RBFOX2: variants seen among roughly 807,000 people sequenced by gnomAD.
RBFOX2 encodes the protein RNA binding fox-1 homolog 2.
A neutral mutation model predicts 49.1 loss-of-function variants in RBFOX2; 10 were observed. That is an observed-to-expected ratio of 0.20 (90% CI 0.13 to 0.35). RBFOX2 has a LOEUF of 0.35. Among genes scored for constraint, RBFOX2 ranks in the 10% least tolerant of loss-of-function variants. RBFOX2 has a pLI of 1.00. For synonymous variants in RBFOX2, 183 were observed against 187.4 expected, an observed-to-expected ratio of 0.98 and a Z score of 0.19; for missense variants, 323 against 486.9, an observed-to-expected ratio of 0.66 and a Z score of 3.17.
intron 4 of RBFOX2, among the ~76,000 whole-genome samples, chr22:35,773,533 G>A (rs1164619545): frequency 2.6e-5 from 4 of 151,734 alleles, no homozygotes; most frequent in Non-Finnish European, 5.9e-5. Flanking sequence ...CATATACCCT[G>A]AAAATATGTA....
rs928540184 is a variant in RBFOX2, at chr22:35,852,784, C to A, written c.-33-42780G>T. On this transcript the variant is annotated intron_variant, in intron 1 of 13. Coordinates refer to the RBFOX2 transcript ENST00000359369. ...CTAACTTAAACTTCAAGAGTTAACC[C>A]AGTTCAATATTTGGTGACTTAATTA... 1.2e-4 allele frequency among the ~76,000 whole-genome samples: 19 copies of A among 152,234 alleles called. No individual in the cohort carries two copies. In the East Asian group the frequency reaches 3.7e-3, roughly 29 times the overall value.
At chr22:35,800,969 G>A (rs535863140) in intron 2 of RBFOX2, among the ~76,000 whole-genome samples, 5 of 152,302 alleles carry the variant, frequency 3.3e-5, no homozygotes, top group African/African-American at 1.2e-4. Flanking sequence ...CTTAAACTGA[G>A]TGGGAAAAGA....
At chr22:35,762,797 C>T (rs1418150253) in intron 6 of RBFOX2, among the ~76,000 whole-genome samples, 3 of 151,954 alleles carry the variant, frequency 2.0e-5, no homozygotes, top group South Asian at 2.1e-4. Context: ...TGAGCCACTG[C>T]GTCCAGCCAC....
chr22:35,913,659 A>C (rs1413547043), intron 1 of RBFOX2, among the ~76,000 whole-genome samples: 1 of 151,830 alleles, frequency 6.6e-6, no homozygotes, highest in Admixed American at 6.6e-5. Flanking sequence ...AGGTTTATAG[A>C]TATAGATATC....
rs2051568311 is a variant in RBFOX2, at chr22:35,925,835, G to A, written c.-34+13012C>T. 3.3e-5 allele frequency among the ~76,000 whole-genome samples: 5 copies of A among 152,184 alleles called. No homozygotes were observed. The South Asian group carries it at 1.0e-3, about 32-fold the overall frequency. ...ATATCACACTAAAGAATATTCAGCA[G>A]ATAAAAGCTAAGCAGAGTAATGAGA... On this transcript the variant is annotated intron_variant, in intron 1 of 13. Coordinates refer to the RBFOX2 transcript ENST00000359369.
At chr22:35,976,249 T>C (rs1035677023) in intron 1 of RBFOX2, among the ~76,000 whole-genome samples, 1 of 152,126 alleles carries the variant, frequency 6.6e-6, no homozygotes, top group African/African-American at 2.4e-5. Flanking sequence ...TATCTTTCTA[T>C]TTTACACAAT....
chr22:36,028,321 C>T, exon 1 of RBFOX2: 2 of 1,510,458 alleles, frequency 1.3e-6, no homozygotes, highest in Admixed American at 2.0e-5. Context: ...CGTCTCCTCC[C>T]GCTCCGGGCA....
intron 1 of RBFOX2, among the ~76,000 whole-genome samples, chr22:36,019,095 C>A (rs559240513): frequency 6.6e-6 from 1 of 152,170 alleles, no homozygotes; most frequent in Non-Finnish European, 1.5e-5. Context: ...ATTTGAAACA[C>A]GACATTTTTA....
chr22:35,809,837 C>T (rs928348351), exon 2 of RBFOX2: 14 of 1,613,938 alleles, frequency 8.7e-6, no homozygotes, highest in East Asian at 4.5e-5. Flanking sequence ...CGTGGGCTTG[C>T]GTACTTCCGT....
chr22:36,010,252 G>A (rs2058765508), intron 1 of RBFOX2, among the ~76,000 whole-genome samples: 1 of 152,100 alleles, frequency 6.6e-6, no homozygotes, highest in Non-Finnish European at 1.5e-5. Flanking sequence ...TAGGACAGGC[G>A]CTTTCTGCTA....
At chr22:35,913,455 T>C (rs2050051916) in intron 1 of RBFOX2, among the ~76,000 whole-genome samples, 1 of 151,444 alleles carries the variant, frequency 6.6e-6, no homozygotes, top group Non-Finnish European at 1.5e-5. Context: ...CCTAACAGGA[T>C]ATATATATCC....
At chr22:35,824,870 A>G (rs1301581660) in intron 1 of RBFOX2, among the ~76,000 whole-genome samples, 1 of 152,220 alleles carries the variant, frequency 6.6e-6, no homozygotes, top group Non-Finnish European at 1.5e-5. Flanking sequence ...CCTCACTTGA[A>G]ACTTCATTAT....
intron 8 of RBFOX2, among the ~76,000 whole-genome samples, chr22:35,760,522 T>C (rs1938412162): frequency 1.3e-5 from 2 of 152,258 alleles, no homozygotes; most frequent in Admixed American, 6.5e-5. Context: ...AGGCACATAA[T>C]AGTCTTTAGA....
chr22:35,966,125 T>G (rs1463014093), upstream of RBFOX2, among the ~76,000 whole-genome samples: 5 of 152,268 alleles, frequency 3.3e-5, no homozygotes, highest in Non-Finnish European at 7.3e-5. Flanking sequence ...TTAATGGAAT[T>G]GCACATTATG....
intron 1 of RBFOX2, among the ~76,000 whole-genome samples, chr22:35,948,463 C>G (rs2054560062): frequency 6.6e-6 from 1 of 152,172 alleles, no homozygotes; most frequent in African/African-American, 2.4e-5. Flanking sequence ...CTTTGGGAAG[C>G]CAGGGTGGGA....
chr22:35,974,012 C>T (rs979299043), intron 1 of RBFOX2, among the ~76,000 whole-genome samples: 3 of 152,312 alleles, frequency 2.0e-5, no homozygotes, highest in Admixed American at 1.3e-4. Context: ...CCTCCTGGAA[C>T]GTGGAAAGCT....
At chr22:35,942,224 T>C (rs1224422777), upstream of RBFOX2, among the ~76,000 whole-genome samples, 22 of 152,170 alleles carry the variant, frequency 1.4e-4, no homozygotes, top group Admixed American at 1.4e-3. Context: ...AGATTTGAGA[T>C]ACCATGTTTT....
At chr22:35,811,787 G>T (rs1951917465) in intron 1 of RBFOX2, among the ~76,000 whole-genome samples, 1 of 150,834 alleles carries the variant, frequency 6.6e-6, no homozygotes, top group Non-Finnish European at 1.5e-5. Flanking sequence ...AACACAAAGA[G>T]ACCCTGTCTC....
At chr22:35,891,162 T>C (rs1448203806) in intron 1 of RBFOX2, among the ~76,000 whole-genome samples, 3 of 152,150 alleles carry the variant, frequency 2.0e-5, no homozygotes, top group African/African-American at 7.2e-5. Context: ...ACACTATGTC[T>C]TCGCTCTGTT....
Sources: allele counts gnomAD v4.1 joint callset (sites outside exome capture counted in the v4.1 genomes callset), GRCh38; gene constraint gnomAD v4.1.1; transcripts MANE v1.5; gene names NCBI Gene and HGNC (gene_info 2026-07-23, HGNC 2026-07-21).